The following DTWD1 variants were observed in gnomAD, a reference collection of about 807,000 sequenced individuals.
The protein encoded by DTWD1 is DTW motif tRNA-uridine aminocarboxypropyltransferase 1.
A neutral mutation model predicts 30.2 loss-of-function variants in DTWD1; 27 were observed. The observed-to-expected ratio is 0.90, with a 90% confidence interval of 0.66 to 1.23. The LOEUF (loss-of-function observed/expected upper bound fraction) is 1.23, where lower values mean the gene tolerates loss of function less well. Among genes scored for constraint, DTWD1 ranks in the 50% most tolerant of loss-of-function variants. The pLI is 0.00. For synonymous variants in DTWD1, 99 were observed against 113.1 expected (o/e 0.88, Z 0.79); for missense variants, 342 against 348.8 (o/e 0.98, Z 0.15).
chr15:49,643,220 A>T, intron 4 of DTWD1, 111 bp from the exon 5 acceptor site: 1 of 1,283,844 alleles, frequency 7.8e-7, no homozygotes, highest in Non-Finnish European at 1.0e-6. Context: ...TTAAAAAAAA[A>T]TTCTTAGAAT....
chr15:49,633,043 C>CTATA (rs368196512), intron 3 of DTWD1, among the ~76,000 whole-genome samples: 29,046 of 128,578 alleles, frequency 0.23, 4,067 homozygotes, highest in Non-Finnish European at 0.31. Context: ...CTATTTATAT[C>CTATA]TATATCTATA....
At chr15:49,625,510 T>C (rs1190502893) in intron 2 of DTWD1, 79 bp downstream of exon 2, 2 of 1,246,696 alleles carry the variant, frequency 1.6e-6, no homozygotes, top group African/African-American at 3.1e-5. Context: ...CTCTAATTGA[T>C]AAACTTAATA....
chr15:49,638,478 T>C (rs1405871717), intron 4 of DTWD1, among the ~76,000 whole-genome samples: 3 of 152,190 alleles, frequency 2.0e-5, no homozygotes, highest in East Asian at 3.8e-4. Context: ...TGGCTCTTCA[T>C]TGCACCACAG....
chr15:49,643,312 T>G lies in DTWD1; in HGVS notation c.668-19T>G. The G allele has an allele frequency of 7.2e-7, 1 of 1,397,158 alleles. No individual in the cohort carries two copies. The highest frequency in any genetic ancestry group is 9.3e-7 in the Non-Finnish European group (1 of 1,074,698). 86.5% of individuals were successfully genotyped at this position (1,397,158 alleles called of 1,614,324 possible). A position where few individuals can be genotyped will look rare whatever the true frequency, so the allele number is the denominator to read the frequency against. ...ATTTTTTCTTTCTTTCTTTCTTTTTTTTTTTTTTTTTTTGACAGGGTTGTT... is the reference window on the plus strand; with the variant it reads ...ATTTTTTCTTTCTTTCTTTCTTTTTGTTTTTTTTTTTTTGACAGGGTTGTT... On this transcript the variant is annotated intron_variant, in intron 4 of 4. Coordinates refer to ENST00000403028, the MANE Select transcript of DTWD1 (RefSeq NM_001144955.2).
intron 1 of DTWD1, among the ~76,000 whole-genome samples, chr15:49,621,487 T>C (rs749948518): frequency 6.6e-6 from 1 of 152,014 alleles, no homozygotes; most frequent in East Asian, 1.9e-4. Context: ...TTTGTGGGGG[T>C]TTGGTTATCA....
intron 4 of DTWD1, among the ~76,000 whole-genome samples, chr15:49,635,334 C>T (rs566137271): frequency 6.6e-6 from 1 of 151,988 alleles, no homozygotes; most frequent in Admixed American, 6.6e-5. Flanking sequence ...CACGTCCAGC[C>T]TAAGTGTACA....
rs2079154063 is a variant in DTWD1, at chr15:49,651,843, A to G, written c.*8265A>G. 6.6e-6 allele frequency: 1 copy of G among 152,066 alleles called. No homozygotes were observed. Among genetic ancestry groups the G allele is most frequent in the Admixed American group, 6.6e-5 (1 of 15,260 alleles). The allele number at this position is 152,066 out of a possible 1,614,324, so 9.4% of individuals were successfully genotyped here. A position where few individuals can be genotyped will look rare whatever the true frequency, so the allele number is the denominator to read the frequency against. On this transcript the variant is annotated 3_prime_UTR_variant, in exon 5 of 5. Transcript: ENST00000403028. ...AAACCAAGCGCAGGAGTGGACCCAT[A>G]TCCACAGGATCCACTAATAATATCA... is the stretch of plus-strand genomic sequence containing the variant.
intron 3 of DTWD1, among the ~76,000 whole-genome samples, chr15:49,634,004 A>G (rs1221379045): frequency 6.6e-6 from 1 of 152,170 alleles, no homozygotes; most frequent in East Asian, 1.9e-4. Flanking sequence ...CATTCACATA[A>G]TGAGATCGTT....
chr15:49,646,861 C>T lies in DTWD1; in HGVS notation c.*3283C>T, dbSNP rs1228208872. The T allele has an allele frequency of 2.0e-5, 3 of 152,094 alleles. No homozygotes were observed. Among genetic ancestry groups the T allele is most frequent in the Non-Finnish European group, 4.4e-5 (3 of 68,026 alleles). 9.4% of individuals were successfully genotyped at this position (152,094 alleles called of 1,614,324 possible). ...TCGCTCTTACCAGCCTGGATTGTAC[C>T]TTTAATAAAGTAGTGGATATATTTC... On this transcript the variant is annotated 3_prime_UTR_variant, in exon 5 of 5. Coordinates refer to ENST00000403028, the MANE Select transcript of DTWD1 (RefSeq NM_001144955.2).
In DTWD1 at chr15:49,648,217, G is replaced by A. The variant is rs531499389; in HGVS notation, c.*4639G>A. 2 of 152,120 alleles carry A rather than the reference G, an allele frequency of 1.3e-5. No homozygotes were observed. Among genetic ancestry groups the A allele is most frequent in the African/African-American group, 2.4e-5 (1 of 41,442 alleles). 9.4% of individuals were successfully genotyped at this position (152,120 alleles called of 1,614,324 possible). On this transcript the variant is annotated 3_prime_UTR_variant, in exon 5 of 5. Transcript: ENST00000403028. Reference sequence around the variant, plus strand: ...AGTCTATTCATACACTGTATATTAAGCTCTATATACACTGCATATCATCAT... The same window carrying A: ...AGTCTATTCATACACTGTATATTAAACTCTATATACACTGCATATCATCAT...
intron 1 of DTWD1, 114 bp from the exon 2 acceptor site, chr15:49,624,999 A>C (rs190607849): frequency 2.4e-5 from 15 of 635,434 alleles, no homozygotes; most frequent in Admixed American, 1.3e-4. Flanking sequence ...AAACATGTTT[A>C]ATAAGTACTA....
At chr15:49,629,166 T>C (rs1853444378) in intron 2 of DTWD1, among the ~76,000 whole-genome samples, 2 of 152,228 alleles carry the variant, frequency 1.3e-5, no homozygotes, top group Admixed American at 1.3e-4. Context: ...AATCTTCTTT[T>C]AACATGTGTG....
chr15:49,624,006 G>C (rs2078805186), intron 1 of DTWD1, among the ~76,000 whole-genome samples: 1 of 150,660 alleles, frequency 6.6e-6, no homozygotes, highest in Non-Finnish European at 1.5e-5. Context: ...CGGCGTTTTT[G>C]TATCTCTTTA....
In DTWD1 at chr15:49,656,153, TTA is replaced by T. The variant is rs2079175112; in HGVS notation, c.*12577_*12578del. 6.6e-6 allele frequency: 1 copy of T among 152,096 alleles called. No individual in the cohort carries two copies. The highest frequency in any genetic ancestry group is 1.5e-5 in the Non-Finnish European group (1 of 67,978). The allele number at this position is 152,096 out of a possible 1,614,324, so 9.4% of individuals were successfully genotyped here. Reference sequence around the variant, plus strand: ...GCTAACTGTTAGCTCAAGAAATACTTTATGTTTGTCCTATATGAAAGTGTTGA... The same window carrying T: ...GCTAACTGTTAGCTCAAGAAATACTTTGTTTGTCCTATATGAAAGTGTTGA... On this transcript the variant is annotated 3_prime_UTR_variant, in exon 5 of 5. Transcript: ENST00000403028.
At position 49,625,214 on chromosome 15, in the gene DTWD1, G is replaced by A; in HGVS notation, c.47G>A (p.Ser16Asn). 2 of 1,613,412 alleles carry A rather than the reference G, an allele frequency of 1.2e-6. No individual in the cohort carries two copies. The highest frequency in any genetic ancestry group is 8.5e-7 in the Non-Finnish European group (1 of 1,179,622). The change falls in exon 2 of 5, where the codon AGT becomes AAT. Residue 16 changes from serine (S) to asparagine (N), a missense_variant. Transcript: ENST00000403028. ...PIFLKRSEEN[S>N]SKFVETKQSQ... ...TTTCTCAAACGAAGTGAAGAAAATA[G>A]TTCAAAATTTGTGGAAACAAAACAG...
At chr15:49,636,118 G>A (rs1165032426) in intron 4 of DTWD1, among the ~76,000 whole-genome samples, 5 of 151,330 alleles carry the variant, frequency 3.3e-5, no homozygotes, top group East Asian at 3.9e-4. Context: ...CCTTTTTTTG[G>A]TTTGGCTTTC....
At chr15:49,632,107 T>G in intron 2 of DTWD1, 52 bp from the exon 3 acceptor site, 1 of 1,426,092 alleles carries the variant, frequency 7.0e-7, no homozygotes, top group East Asian at 2.6e-5. Context: ...TTTATTAACA[T>G]AAAAATTAAA....
chr15:49,634,025 G>A (rs965359216), intron 3 of DTWD1, among the ~76,000 whole-genome samples: 5 of 152,084 alleles, frequency 3.3e-5, no homozygotes, highest in Admixed American at 3.3e-4. Context: ...GAACCAAAGG[G>A]TATGAATATT....
At chr15:49,623,867 C>T (rs887072747) in intron 1 of DTWD1, 1 of 152,052 alleles carries the variant, frequency 6.6e-6, no homozygotes, top group African/African-American at 2.4e-5. Context: ...GGGATTGGAC[C>T]ATTGTTCTTA....
Sources: gnomAD v4.1 joint callset for allele counts (sites outside exome capture counted in the v4.1 genomes callset) on GRCh38, gnomAD v4.1.1 for gene constraint, MANE v1.5 for transcripts, NCBI Gene and HGNC (gene_info 2026-07-23, HGNC 2026-07-21) for gene names.